Variants in MTR observed in about 807,000 individuals in gnomAD.
The protein encoded by MTR is methionine synthase.
Under a neutral mutation model 154.8 loss-of-function variants are expected in MTR, and 84 were observed. That is an observed-to-expected ratio of 0.54 (90% CI 0.45 to 0.65). MTR has a LOEUF of 0.65. MTR is among the 30% of genes least tolerant of loss of function. MTR has a pLI of 0.00. For synonymous variants in MTR, 554 were observed against 553.9 expected, an observed-to-expected ratio of 1.00 and a Z score of 0.00; for missense variants, 1,275 against 1,570.2, an observed-to-expected ratio of 0.81 and a Z score of 3.18.
chr1:236,801,837 G>A (rs1202018155), intron 1 of MTR, among the ~76,000 whole-genome samples: 1 of 152,182 alleles, frequency 6.6e-6, no homozygotes, highest in Non-Finnish European at 1.5e-5. Context: ...GGAAGCAACT[G>A]GTTTAAAATT....
intron 3 of MTR, 42 bp downstream of exon 3, chr1:236,806,275 C>A (rs1180355127): frequency 6.6e-7 from 1 of 1,508,324 alleles, no homozygotes; most frequent in Non-Finnish European, 9.2e-7. Context: ...TGCTTACGAG[C>A]GTTTGCTGCA....
At position 236,803,548 on chromosome 1, in the gene MTR, G is replaced by C; in HGVS notation, c.155G>C (p.Arg52Pro). ...QREKLNEEHF[R>P]GQEFKDHARP... ...GAGAAGCTAAACGAAGAACACTTCCGAGGTCAGGAATTTAAAGATCATGCC... is the reference window on the plus strand; with the variant it reads ...GAGAAGCTAAACGAAGAACACTTCCCAGGTCAGGAATTTAAAGATCATGCC... The change falls in exon 2 of 33, where the codon CGA becomes CCA. Residue 52 changes from arginine to proline, a missense_variant. Arg to Pro is a moderately radical substitution (Grantham distance 103, BLOSUM62 -2). Transcript: ENST00000366577. The C allele has an allele frequency of 6.2e-7, 1 of 1,614,158 alleles. No individual in the cohort carries two copies. Among genetic ancestry groups the C allele is most frequent in the Admixed American group, 1.7e-5 (1 of 60,020 alleles).
At chr1:236,870,899 A>G (rs1665089545) in intron 22 of MTR, among the ~76,000 whole-genome samples, 1 of 152,190 alleles carries the variant, frequency 6.6e-6, no homozygotes, top group African/African-American at 2.4e-5. Context: ...GATAACCCGC[A>G]TGTAACCCAT....
In MTR at chr1:236,840,931, T is replaced by C. The variant is rs147101675; in HGVS notation, c.1515+2332T>C. On this transcript the variant is annotated intron_variant, in intron 15 of 32. Transcript: ENST00000366577. ...TACACATTTACTATTTTGAGGCACGTTGTTAAAATTGTCCATCTGAAAAGT... is the reference window on the plus strand; with the variant it reads ...TACACATTTACTATTTTGAGGCACGCTGTTAAAATTGTCCATCTGAAAAGT... Among the ~76,000 whole-genome samples, 10 of 152,314 alleles carry C rather than the reference T, an allele frequency of 6.6e-5. No homozygotes were observed. The East Asian group carries it at 1.4e-3, about 21-fold the overall frequency.
At position 236,903,889 on chromosome 1, in the gene MTR, ATGT is replaced by A. The variant is rs1667025629; in HGVS notation, c.*6246_*6248del. On this transcript the variant is annotated 3_prime_UTR_variant, in exon 33 of 33. Coordinates refer to ENST00000366577, the MANE Select transcript of MTR (RefSeq NM_000254.3). ...TTATCTTGGATTAAAAGAAAAGAAA[ATGT>A]ATTTATTTTGTGCATATTTTCAATA... The A allele has an allele frequency of 1.3e-5, 2 of 152,218 alleles. No individual in the cohort carries two copies. Among genetic ancestry groups the A allele is most frequent in the Admixed American group, 1.3e-4 (2 of 15,288 alleles). The allele number at this position is 152,218 out of a possible 1,614,324, so 9.4% of individuals were successfully genotyped here. A position where few individuals can be genotyped will look rare whatever the true frequency, so the allele number is the denominator to read the frequency against.
chr1:236,795,766 G>A (rs1411545380), intron 1 of MTR, 29 bp downstream of exon 1: 1 of 1,614,050 alleles, frequency 6.2e-7, no homozygotes, highest in South Asian at 1.1e-5. Context: ...CTGCGTGGTT[G>A]GGTTGTGTTT....
intron 15 of MTR, among the ~76,000 whole-genome samples, chr1:236,848,084 A>G (rs1397684594): frequency 2.0e-5 from 3 of 152,232 alleles, no homozygotes; most frequent in Non-Finnish European, 4.4e-5. Context: ...TGGCACAGAT[A>G]CTGTGCTAGA....
intron 2 of MTR, among the ~76,000 whole-genome samples, chr1:236,805,635 G>A (rs780446532): frequency 2.6e-5 from 4 of 151,936 alleles, no homozygotes; most frequent in Non-Finnish European, 5.9e-5. Context: ...CTGGGACTAC[G>A]GGCATGTGCC....
At chr1:236,826,430 G>A (rs1405745552) in intron 10 of MTR, among the ~76,000 whole-genome samples, 2 of 151,970 alleles carry the variant, frequency 1.3e-5, no homozygotes, top group Admixed American at 6.5e-5. Context: ...TGAGTAGCTG[G>A]GACTATAAAC....
At chr1:236,884,987 G>A in intron 25 of MTR, 134 bp from the exon 26 acceptor site, 1 of 702,846 alleles carries the variant, frequency 1.4e-6, no homozygotes. Flanking sequence ...ACGCCAGGCA[G>A]GAATTAGCAC....
chr1:236,848,923 A>G (rs1663740711), intron 15 of MTR, among the ~76,000 whole-genome samples: 1 of 152,146 alleles, frequency 6.6e-6, no homozygotes, highest in African/African-American at 2.4e-5. Context: ...CACTTGACCT[A>G]TGTCCGTGTC....
At chr1:236,823,200 G>A (rs781371886) in intron 8 of MTR, among the ~76,000 whole-genome samples, 2 of 152,142 alleles carry the variant, frequency 1.3e-5, no homozygotes, top group Non-Finnish European at 2.9e-5. Flanking sequence ...ATTACTATAG[G>A]TTGAGTATCC....
At chr1:236,803,690 A>G (rs1207909030) in intron 2 of MTR, 48 bp downstream of exon 2, 3 of 1,572,068 alleles carry the variant, frequency 1.9e-6, no homozygotes, top group Admixed American at 3.3e-5. Context: ...TTATTCTGCA[A>G]GCTGTTTCAT....
intron 15 of MTR, among the ~76,000 whole-genome samples, chr1:236,844,457 T>C (rs57190543): frequency 0.059 from 32 of 540 alleles, no homozygotes; most frequent in African/African-American, 0.14. Context: ...AAAGGGCGTG[T>C]GTGTGTGTGT....
intron 2 of MTR, among the ~76,000 whole-genome samples, chr1:236,804,963 T>G (rs570204386): frequency 6.6e-6 from 1 of 152,352 alleles, no homozygotes; most frequent in East Asian, 1.9e-4. Flanking sequence ...TGTCAGTATT[T>G]GTAGATATAC....
chr1:236,879,520 A>G (rs541168701), intron 24 of MTR, among the ~76,000 whole-genome samples: 2 of 152,334 alleles, frequency 1.3e-5, no homozygotes, highest in African/African-American at 4.8e-5. Flanking sequence ...GATAAAAGGC[A>G]GAAAGCACTG....
At chr1:236,874,146 GAGCTAAAT>G (rs1303503312) in intron 23 of MTR, among the ~76,000 whole-genome samples, 1 of 152,138 alleles carries the variant, frequency 6.6e-6, no homozygotes, top group East Asian at 1.9e-4. Flanking sequence ...GGGAAATCAT[GAGCTAAAT>G]ATACCTTTAT....
At chr1:236,848,282 A>G (rs1053972618) in intron 15 of MTR, among the ~76,000 whole-genome samples, 5 of 152,194 alleles carry the variant, frequency 3.3e-5, no homozygotes, top group African/African-American at 7.2e-5. Flanking sequence ...GTTCACTTCA[A>G]CCTGCCCTGC....
chr1:236,829,257 T>C lies in MTR; in HGVS notation c.1064T>C (p.Met355Thr), dbSNP rs1041544453. 6 of 1,613,656 alleles carry C rather than the reference T, an allele frequency of 3.7e-6. No homozygotes were observed. In the African/African-American group the frequency reaches 8.0e-5, roughly 22 times the overall value. Residue 355 changes from methionine to threonine, a missense_variant, in exon 12 of 33, where the codon ATG (methionine) becomes ACG (threonine). Physicochemically the swap from Met to Thr is moderately conservative, Grantham distance 81. Transcript: ENST00000366577. ...VPPATAFEGH[M>T]LLSGLEPFRI... The stretch of plus-strand genomic sequence containing the variant: ...CCTGCCACTGCTTTTGAAGGACATA[T>C]GTTACTGTCTGGTGAGTCATAAAGA...
Sources: allele counts gnomAD v4.1 joint callset (sites outside exome capture counted in the v4.1 genomes callset), GRCh38; gene constraint gnomAD v4.1.1; transcripts MANE v1.5; gene names NCBI Gene and HGNC (gene_info 2026-07-23, HGNC 2026-07-21).